The following STK3 variants were observed in gnomAD, a reference collection of about 807,000 sequenced individuals.
The protein encoded by STK3 is serine/threonine kinase 3.
In STK3, 41 loss-of-function variants were observed where a neutral mutation model predicts 58.0. The ratio of observed to expected loss-of-function variants is 0.71; its 90% CI spans 0.55 to 0.92. The LOEUF (loss-of-function observed/expected upper bound fraction) is 0.92. Ranked by LOEUF, STK3 falls within the 40% of genes least tolerant of loss-of-function variation. STK3 has a pLI of 0.00. For missense variants in STK3, 479 were observed against 602.7 expected, an observed-to-expected ratio of 0.79 and a Z score of 2.15; for synonymous variants, 170 against 191.0, an observed-to-expected ratio of 0.89 and a Z score of 0.91.
chr8:98,407,757 TGCGC>T (rs71273128), intron 3 of STK3, among the ~76,000 whole-genome samples: 25 of 131,436 alleles, frequency 1.9e-4, no homozygotes, highest in African/African-American at 4.3e-4. Flanking sequence ...TGTGTGTGTG[TGCGC>T]GCGCGCGCGC....
intron 3 of STK3, among the ~76,000 whole-genome samples, chr8:98,869,966 G>T (rs1837308043): frequency 1.3e-5 from 2 of 151,924 alleles, no homozygotes; most frequent in African/African-American, 4.8e-5. Context: ...TTTACATTAG[G>T]TATATCTTCT....
intron 3 of STK3, among the ~76,000 whole-genome samples, chr8:98,852,199 G>A (rs896122852): frequency 2.0e-5 from 3 of 151,218 alleles, no homozygotes; most frequent in Non-Finnish European, 2.9e-5. Flanking sequence ...GTGCAATGGC[G>A]TGATCTTGGC....
rs1000106897 is a variant in STK3, at chr8:98,648,509, A to G, written c.685-52340T>C. 2.6e-5 allele frequency among the ~76,000 whole-genome samples: 4 copies of G among 152,232 alleles called. No individual in the cohort carries two copies. In the South Asian group the frequency reaches 8.3e-4, roughly 32 times the overall value. On this transcript the variant is annotated intron_variant, in intron 6 of 10. Coordinates refer to ENST00000419617, the MANE Select transcript of STK3 (RefSeq NM_006281.4). ...GCCAAAACTGCTTTCCAAGAAAAGA[A>G]GTAAATGTCACATTTCTACCACAAA...
chr8:98,713,294 C>A (rs1223166968), intron 4 of STK3, among the ~76,000 whole-genome samples: 7 of 151,982 alleles, frequency 4.6e-5, no homozygotes, highest in Non-Finnish European at 8.8e-5. Context: ...CAGAGCAGAA[C>A]TGAAGGAGAT....
At chr8:98,820,466 TAA>T (rs374198030) in intron 1 of STK3, among the ~76,000 whole-genome samples, 249 of 152,314 alleles carry the variant, frequency 1.6e-3, no homozygotes, top group African/African-American at 5.7e-3. Flanking sequence ...GCCTATCTGG[TAA>T]AGTGTCTCAC....
chr8:98,705,431 ACTCTCTTT>A (rs1825899106), intron 6 of STK3, among the ~76,000 whole-genome samples: 1 of 151,488 alleles, frequency 6.6e-6, no homozygotes, highest in African/African-American at 2.4e-5. Context: ...AAAAAAAAAA[ACTCTCTTT>A]AAAATGTTTC....
intron 1 of STK3, among the ~76,000 whole-genome samples, chr8:98,900,869 C>G (rs567228824): frequency 2.3e-4 from 35 of 152,140 alleles, no homozygotes; most frequent in African/African-American, 7.0e-4. Flanking sequence ...AGCATGTTGG[C>G]CAAGCTAGTC....
At position 98,477,223 on chromosome 8, in the gene STK3, T is replaced by C. The variant is rs577146937; in HGVS notation, c.1318-21223A>G. 2.0e-5 allele frequency among the ~76,000 whole-genome samples: 3 copies of C among 152,298 alleles called. No homozygotes were observed. In the South Asian group the frequency reaches 6.2e-4, roughly 32 times the overall value. On this transcript the variant is annotated intron_variant, in intron 10 of 10. Transcript: ENST00000419617. ...CGCCAAAAGAGTAGTAAATTCAGTATATAAGTTTTCAATTCTAACTGCATC... is the reference window on the plus strand; with the variant it reads ...CGCCAAAAGAGTAGTAAATTCAGTACATAAGTTTTCAATTCTAACTGCATC...
chr8:98,937,762 C>T (rs576039496), intron 1 of STK3, among the ~76,000 whole-genome samples: 26 of 152,312 alleles, frequency 1.7e-4, no homozygotes, highest in African/African-American at 6.3e-4. Flanking sequence ...TATTAGCCCT[C>T]CAGGGGAATA....
At chr8:98,738,930 G>C (rs796725048) in intron 4 of STK3, among the ~76,000 whole-genome samples, 1 of 152,258 alleles carries the variant, frequency 6.6e-6, no homozygotes, top group Non-Finnish European at 1.5e-5. Context: ...CGGTTCACCA[G>C]GAGATTATAT....
chr8:98,757,056 T>C (rs1830329650), intron 3 of STK3, among the ~76,000 whole-genome samples: 1 of 135,622 alleles, frequency 7.4e-6, no homozygotes, highest in Non-Finnish European at 1.7e-5. Context: ...ACTCTGGTAC[T>C]TCCCCGTGGA....
At chr8:98,727,523 C>G (rs1244613235) in intron 4 of STK3, among the ~76,000 whole-genome samples, 1 of 152,134 alleles carries the variant, frequency 6.6e-6, no homozygotes, top group Non-Finnish European at 1.5e-5. Context: ...ATTCAGTAAA[C>G]TTGAAGTAAA....
At chr8:98,786,851 C>T (rs560140467) in intron 1 of STK3, among the ~76,000 whole-genome samples, 1 of 152,152 alleles carries the variant, frequency 6.6e-6, no homozygotes, top group East Asian at 1.9e-4. Context: ...ACAAAATGAA[C>T]ATCACCAAGG....
At chr8:98,555,077 A>G (rs1262274936) in intron 8 of STK3, among the ~76,000 whole-genome samples, 8 of 152,116 alleles carry the variant, frequency 5.3e-5, no homozygotes, top group Non-Finnish European at 1.0e-4. Context: ...CAGGAATGCA[A>G]AACACAGTAC....
intron 7 of STK3, among the ~76,000 whole-genome samples, chr8:98,590,772 T>C (rs951688599): frequency 6.6e-6 from 1 of 152,246 alleles, no homozygotes; most frequent in Non-Finnish European, 1.5e-5. Flanking sequence ...GTTGCATTTA[T>C]CTTATGAACT....
At chr8:98,738,152 A>T (rs1007189076) in intron 4 of STK3, among the ~76,000 whole-genome samples, 33 of 152,366 alleles carry the variant, frequency 2.2e-4, no homozygotes, top group African/African-American at 7.9e-4. Flanking sequence ...AAACCCAGCA[A>T]GACTTTTTGT....
chr8:98,787,779 C>T (rs1361048799), intron 1 of STK3, among the ~76,000 whole-genome samples: 1 of 152,206 alleles, frequency 6.6e-6, no homozygotes. Context: ...GCCCTGTCTT[C>T]AGCCTCCTCA....
intron 3 of STK3, among the ~76,000 whole-genome samples, chr8:98,425,622 C>T (rs931814950): frequency 2.0e-5 from 3 of 152,214 alleles, no homozygotes; most frequent in Admixed American, 2.0e-4. Flanking sequence ...TTCACACCCA[C>T]ACACATGTCC....
At chr8:98,430,659 C>T (rs1349514678) in intron 3 of STK3, 2 of 167,006 alleles carry the variant, frequency 1.2e-5, no homozygotes. Flanking sequence ...TATAGACGTG[C>T]ACGATGGTGG....
Sources: allele counts gnomAD v4.1 joint callset (sites outside exome capture counted in the v4.1 genomes callset), GRCh38; gene constraint gnomAD v4.1.1; transcripts MANE v1.5; gene names NCBI Gene and HGNC (gene_info 2026-07-23, HGNC 2026-07-21).